Variants in DENND5B observed in about 807,000 individuals in gnomAD.
The protein encoded by DENND5B is DENN domain containing 5B.
In DENND5B, 34 loss-of-function variants were observed where a neutral mutation model predicts 140.6. That is an observed-to-expected ratio of 0.24 (90% confidence interval 0.18 to 0.32). The LOEUF is 0.32. Ranked by LOEUF, DENND5B falls within the 10% of genes least tolerant of loss-of-function variation. DENND5B has a pLI of 1.00. For missense variants in DENND5B, 1,142 were observed against 1,560.2 expected, an observed-to-expected ratio of 0.73 and a Z score of 4.52; for synonymous variants, 551 against 562.1, an observed-to-expected ratio of 0.98 and a Z score of 0.28.
intron 1 of DENND5B, among the ~76,000 whole-genome samples, chr12:31,570,277 CTTT>C (rs746678233): frequency 2.1e-5 from 3 of 141,564 alleles, no homozygotes; most frequent in Admixed American, 7.1e-5. Context: ...AATTCTCTCT[CTTT>C]TTTTTTTTTT....
intron 6 of DENND5B, among the ~76,000 whole-genome samples, chr12:31,446,258 T>C (rs541668601): frequency 2.0e-5 from 3 of 151,954 alleles, no homozygotes; most frequent in Non-Finnish European, 4.4e-5. Context: ...AAGTGATTCT[T>C]CTATGTCAGC....
intron 3 of DENND5B, among the ~76,000 whole-genome samples, chr12:31,462,004 A>G (rs896149430): frequency 6.6e-6 from 1 of 152,214 alleles, no homozygotes; most frequent in African/African-American, 2.4e-5. Flanking sequence ...GTAATGAATC[A>G]TCAGTTATCC....
intron 1 of DENND5B, among the ~76,000 whole-genome samples, chr12:31,518,970 A>G (rs1947781636): frequency 6.6e-6 from 1 of 152,244 alleles, no homozygotes; most frequent in African/African-American, 2.4e-5. Context: ...CCCTAGAGCA[A>G]GACCACAGCA....
intron 1 of DENND5B, among the ~76,000 whole-genome samples, chr12:31,524,508 C>T (rs1185764567): frequency 6.6e-6 from 1 of 152,002 alleles, no homozygotes; most frequent in African/African-American, 2.4e-5. Context: ...CAAAAATTAG[C>T]CGGGCATGAT....
rs140892669 is a variant in DENND5B at position 31,411,006 on chromosome 12, C to T, written c.2682-1622G>A. 4.0e-5 allele frequency among the ~76,000 whole-genome samples: 6 copies of T among 151,000 alleles called. No homozygotes were observed. In the East Asian group the frequency reaches 1.2e-3, roughly 29 times the overall value. ...AGGATTGTAAGTGATTATCATTTTCCTCTTTGTACTTTGGCCACTATGAGC... is the reference window on the plus strand; with the variant it reads ...AGGATTGTAAGTGATTATCATTTTCTTCTTTGTACTTTGGCCACTATGAGC... On this transcript the variant is annotated intron_variant, in intron 13 of 20. Coordinates refer to ENST00000389082, the MANE Select transcript of DENND5B (RefSeq NM_144973.4).
chr12:31,562,725 T>C (rs1279887494), intron 1 of DENND5B, among the ~76,000 whole-genome samples: 4 of 152,208 alleles, frequency 2.6e-5, no homozygotes, highest in Admixed American at 1.3e-4. Context: ...AAATAATAGA[T>C]AATGAAAGCA....
chr12:31,548,885 C>T (rs1299638990), intron 1 of DENND5B, among the ~76,000 whole-genome samples: 2 of 152,098 alleles, frequency 1.3e-5, no homozygotes, highest in South Asian at 4.1e-4. Context: ...CAGAGTACTA[C>T]TGAAAGCCAA....
At chr12:31,461,511 A>C (rs546985135) in intron 3 of DENND5B, among the ~76,000 whole-genome samples, 1 of 152,204 alleles carries the variant, frequency 6.6e-6, no homozygotes, top group Non-Finnish European at 1.5e-5. Flanking sequence ...AAATGTTTGG[A>C]AGTAGATATG....
intron 1 of DENND5B, among the ~76,000 whole-genome samples, chr12:31,502,677 C>T (rs1026104719): frequency 7.2e-5 from 11 of 152,056 alleles, no homozygotes; most frequent in Non-Finnish European, 1.5e-4. Context: ...ATCCACACCC[C>T]CAACGTTTGA....
chr12:31,572,643 C>G (rs1004746721), intron 1 of DENND5B, among the ~76,000 whole-genome samples: 3 of 151,162 alleles, frequency 2.0e-5, no homozygotes, highest in African/African-American at 7.3e-5. Context: ...TTTTAGGCAT[C>G]TGAAAAAGTA....
At chr12:31,433,109 T>G in intron 8 of DENND5B, 46 bp downstream of exon 8, 1 of 1,519,518 alleles carries the variant, frequency 6.6e-7, no homozygotes, top group Non-Finnish European at 9.1e-7. Flanking sequence ...ATAAGCCTAG[T>G]TCATGGCGCT....
chr12:31,404,266 T>C (rs1941995414), intron 14 of DENND5B, among the ~76,000 whole-genome samples: 1 of 152,154 alleles, frequency 6.6e-6, no homozygotes, highest in Non-Finnish European at 1.5e-5. Flanking sequence ...ATAAGCATTT[T>C]TGTCCATCAC....
At chr12:31,554,825 T>C (rs568216811) in intron 1 of DENND5B, among the ~76,000 whole-genome samples, 6 of 152,208 alleles carry the variant, frequency 3.9e-5, no homozygotes, top group Non-Finnish European at 5.9e-5. Flanking sequence ...CCATCACTGA[T>C]ACCCTTTCTG....
intron 17 of DENND5B, among the ~76,000 whole-genome samples, chr12:31,393,449 G>A (rs1320203776): frequency 6.6e-6 from 1 of 152,132 alleles, no homozygotes; most frequent in Non-Finnish European, 1.5e-5. Context: ...CTTTCCTGAG[G>A]GACAGGTTGG....
rs1943118817 is a variant in DENND5B, at chr12:31,423,601, T to G, written c.2466A>C (p.Ser822=). 6.2e-7 allele frequency: 1 copy of G among 1,613,920 alleles called. No individual in the cohort carries two copies. Among genetic ancestry groups the G allele is most frequent in the Non-Finnish European group, 8.5e-7 (1 of 1,179,836 alleles). ...REEKQEHLAE[S]PVALGPERRK... ...TCTTTACCAATGATGTCATACCTGG[T>G]GATTCTGCAAGGTGCTCTTGTTTCT... The change falls in exon 11 of 21, where the codon TCA becomes TCC. Residue 822 remains serine (S), a synonymous_variant. Transcript: ENST00000389082.
chr12:31,421,780 G>C (rs1000197015), intron 11 of DENND5B, among the ~76,000 whole-genome samples: 2 of 152,136 alleles, frequency 1.3e-5, no homozygotes, highest in African/African-American at 4.8e-5. Flanking sequence ...TTGAACTCCT[G>C]ATCTCAGGTG....
chr12:31,537,286 TATAA>T (rs1218352091), intron 1 of DENND5B, among the ~76,000 whole-genome samples: 1 of 152,064 alleles, frequency 6.6e-6, no homozygotes, highest in Admixed American at 6.5e-5. Context: ...TACAATAAGA[TATAA>T]ATAAAAACAA....
At chr12:31,524,638 G>A (rs1228683667) in intron 1 of DENND5B, among the ~76,000 whole-genome samples, 1 of 151,946 alleles carries the variant, frequency 6.6e-6, no homozygotes, top group Non-Finnish European at 1.5e-5. Flanking sequence ...CGGCGACAGA[G>A]CCATGATACT....
At chr12:31,433,117 G>A (rs777525894) in intron 8 of DENND5B, 38 bp downstream of exon 8, 13 of 1,561,884 alleles carry the variant, frequency 8.3e-6, no homozygotes, top group South Asian at 5.6e-5. Context: ...AGTTCATGGC[G>A]CTTGCTGTGA....
Sources: gnomAD v4.1 joint callset for allele counts (sites outside exome capture counted in the v4.1 genomes callset) on GRCh38, gnomAD v4.1.1 for gene constraint, MANE v1.5 for transcripts, NCBI Gene and HGNC (gene_info 2026-07-23, HGNC 2026-07-21) for gene names.